C3orf18: variants seen among roughly 807,000 people sequenced by gnomAD.
C3orf18 encodes chromosome 3 open reading frame 18.
Under a neutral mutation model 14.1 loss-of-function variants are expected in C3orf18, and 12 were observed. The observed-to-expected ratio is 0.85, with a 90% CI of 0.55 to 1.38. The LOEUF is 1.38. Ranked by LOEUF, C3orf18 falls within the 40% of genes most tolerant of loss-of-function variation. C3orf18 has a pLI of 0.00. For synonymous variants in C3orf18, 82 were observed against 87.9 expected, an observed-to-expected ratio of 0.93 and a Z score of 0.38; for missense variants, 196 against 213.9, an observed-to-expected ratio of 0.92 and a Z score of 0.52.
rs1700236226 is a variant in C3orf18 at position 50,565,511 on chromosome 3, A to C, written c.189T>G (p.Leu63=). ...TCACCGTGATGATCCCAAAGGACAG[A>C]AGCATGGTACCCACGCCGGCCGTGC... ...AGGTAGVGTM[L]LSFGIITVIG... Residue 63 remains leucine, a synonymous_variant, in exon 3 of 6, where the codon CTT becomes CTG. Coordinates refer to ENST00000357203, the MANE Select transcript of C3orf18 (RefSeq NM_016210.5). This position sits in a 1 kb window ranked among gnomAD's most constrained non-coding sequence, Gnocchi z 4.4. The C allele has an allele frequency of 8.7e-6, 14 of 1,614,028 alleles. No homozygotes were observed. Among genetic ancestry groups the C allele is most frequent in the Non-Finnish European group, 1.2e-5 (14 of 1,180,020 alleles).
Position 50,559,647 on chromosome 3 carries a change from C to G in C3orf18, c.*10G>C. 6.4e-7 allele frequency: 1 copy of G among 1,566,286 alleles called. No homozygotes were observed. Among genetic ancestry groups the G allele is most frequent in the Non-Finnish European group, 8.7e-7 (1 of 1,154,368 alleles). On this transcript the variant is annotated 3_prime_UTR_variant, in exon 6 of 6. Coordinates refer to ENST00000357203, the MANE Select transcript of C3orf18 (RefSeq NM_016210.5). ...GTCTCTATCAGAAGTCCAGGCTTGT[C>G]CCAGGCCACTCACGCATGGATGGCA...
At chr3:50,561,574 CAAAGG>C in intron 4 of C3orf18, 143 bp downstream of exon 4, 1 of 736,432 alleles carries the variant, frequency 1.4e-6, no homozygotes, top group East Asian at 2.5e-5. Context: ...CAACCCTCCC[CAAAGG>C]AAAGTGGTCA....
intron 3 of C3orf18, chr3:50,562,721 A>C: frequency 2.8e-6 from 1 of 355,688 alleles, no homozygotes; most frequent in Non-Finnish European, 5.6e-6. Context: ...CCAGTGGACT[A>C]AGGTAGGGGT....
In C3orf18 at chr3:50,561,725, T is replaced by G. The variant is rs771900074; in HGVS notation, c.257A>C (p.Lys86Thr). The G allele has an allele frequency of 6.2e-7, 1 of 1,613,626 alleles. No individual in the cohort carries two copies. The highest frequency in any genetic ancestry group is 8.5e-7 in the Non-Finnish European group (1 of 1,179,938). ...VALVLYIRKK[K>T]RLEKLRHQLM... ...TTGGGTTTGGGTGGGGAATTACCTC[T>G]TCTTCTTCCTGATGTACAAAACCTG... Residue 86 changes from lysine (K) to threonine (T), a missense_variant, in exon 4 of 6, where the codon AAG becomes ACG. Coordinates refer to ENST00000357203, the MANE Select transcript of C3orf18 (RefSeq NM_016210.5).
intron 4 of C3orf18, among the ~76,000 whole-genome samples, chr3:50,561,367 G>A (rs1209950831): frequency 5.3e-5 from 8 of 152,170 alleles, no homozygotes; most frequent in Non-Finnish European, 1.5e-5. Context: ...AATCCACAGC[G>A]TCTGAGTCTC....
upstream of C3orf18, chr3:50,572,111 G>T: frequency 6.2e-7 from 1 of 1,613,908 alleles, no homozygotes; most frequent in Non-Finnish European, 8.5e-7. Flanking sequence ...TGCCCCCTCT[G>T]CAGGATGCCG....
chr3:50,567,948 G>A (rs1700466297), upstream of C3orf18, among the ~76,000 whole-genome samples: 1 of 152,234 alleles, frequency 6.6e-6, no homozygotes, highest in Non-Finnish European at 1.5e-5. Flanking sequence ...GGGTGGCCAG[G>A]CCCTTCCGGG....
Position 50,565,445 on chromosome 3 carries a change from C to G in C3orf18, c.234+21G>C, listed in dbSNP as rs747684112. 16 of 1,561,388 alleles carry G rather than the reference C, an allele frequency of 1.0e-5. No individual in the cohort carries two copies. The highest frequency in any genetic ancestry group is 1.4e-5 in the Non-Finnish European group (16 of 1,132,946). ...AAATCTAAACACTGATTATCCTCCCCCAGCCTACCCCAGCTCTCACCAAGG... is the reference window on the plus strand; with the variant it reads ...AAATCTAAACACTGATTATCCTCCCGCAGCCTACCCCAGCTCTCACCAAGG... On this transcript the variant is annotated intron_variant, in intron 3 of 5. Transcript: ENST00000357203. The surrounding 1 kb of genome is among the most constrained non-coding windows in gnomAD (Gnocchi z 4.4).
At position 50,560,921 on chromosome 3, in the gene C3orf18, C is replaced by A. The variant is rs1388561119; in HGVS notation, c.404G>T (p.Gly135Val). The A allele has an allele frequency of 5.0e-6, 8 of 1,609,906 alleles. No homozygotes were observed. The highest frequency in any genetic ancestry group is 6.8e-6 in the Non-Finnish European group (8 of 1,177,852). ...QAATSVQAMQ[G>V]KTTLPSQGPL... ...GGGAGCCTGGTCAGTGCCCACCTTG[C>A]CCTGCATGGCCTGCACAGAAGTAGC... is the stretch of plus-strand genomic sequence containing the variant. Residue 135 changes from glycine (G) to valine (V), a missense_variant, in exon 5 of 6, where the codon GGC (glycine) becomes GTC (valine). Coordinates refer to ENST00000357203, the MANE Select transcript of C3orf18 (RefSeq NM_016210.5).
At chr3:50,566,379 G>C (rs1322325613) in intron 1 of C3orf18, among the ~76,000 whole-genome samples, 8 of 152,014 alleles carry the variant, frequency 5.3e-5, no homozygotes, top group Admixed American at 6.6e-5. Flanking sequence ...CTGTGTCTCC[G>C]TTTTCCTGAG....
upstream of C3orf18, among the ~76,000 whole-genome samples, chr3:50,568,902 T>C (rs1285201263): frequency 1.3e-5 from 2 of 152,022 alleles, no homozygotes; most frequent in Non-Finnish European, 2.9e-5. Context: ...GAGTTGCCAA[T>C]AGAGTCAAGA....
upstream of C3orf18, chr3:50,571,135 C>T (rs775286674): frequency 4.3e-6 from 7 of 1,609,820 alleles, no homozygotes; most frequent in Admixed American, 5.1e-5. Flanking sequence ...GCTGTGGGCC[C>T]TCCTGTCTGG....
At chr3:50,573,112 T>G (rs926283021), upstream of C3orf18, among the ~76,000 whole-genome samples, 11 of 152,216 alleles carry the variant, frequency 7.2e-5, no homozygotes, top group African/African-American at 2.7e-4. Flanking sequence ...CTCCTCTCCA[T>G]ATCATGTGGT....
At chr3:50,569,983 GGT>G (rs1357597905), upstream of C3orf18, 2 of 152,234 alleles carry the variant, frequency 1.3e-5, no homozygotes, top group Non-Finnish European at 2.9e-5. Context: ...TGGGACTACA[GGT>G]GCGCGTCAGT....
chr3:50,573,039 G>A (rs956319507), upstream of C3orf18, among the ~76,000 whole-genome samples: 3 of 152,312 alleles, frequency 2.0e-5, no homozygotes, highest in African/African-American at 7.2e-5. Context: ...TGGCCAGGGG[G>A]CCCCAAACCC....
chr3:50,560,103 C>T (rs1050211882), intron 5 of C3orf18, among the ~76,000 whole-genome samples: 4 of 152,172 alleles, frequency 2.6e-5, no homozygotes, highest in Admixed American at 2.6e-4. Flanking sequence ...CTGGGTGGAC[C>T]AAGGTTCTCA....
chr3:50,569,935 G>A (rs952490578), upstream of C3orf18: 2 of 152,186 alleles, frequency 1.3e-5, no homozygotes, highest in African/African-American at 2.4e-5. Flanking sequence ...GCTTGAACTG[G>A]GTTCAAGCAG....
upstream of C3orf18, chr3:50,571,868 C>A (rs1701005442): frequency 6.0e-6 from 9 of 1,505,268 alleles, no homozygotes; most frequent in Admixed American, 1.5e-4. Flanking sequence ...CCCCTATCCC[C>A]ACCAAGTTCA....
At chr3:50,571,727 G>A (rs774145570), upstream of C3orf18, 57 of 1,614,084 alleles carry the variant, frequency 3.5e-5, no homozygotes, top group East Asian at 4.5e-5. Flanking sequence ...GCCTGAGGCC[G>A]GCACTTTGGA....
Sources: allele counts gnomAD v4.1 joint callset (sites outside exome capture counted in the v4.1 genomes callset), GRCh38; gene constraint gnomAD v4.1.1; non-coding constraint Gnocchi (gnomAD v3.1); transcripts MANE v1.5; gene names NCBI Gene and HGNC (gene_info 2026-07-23, HGNC 2026-07-21).